Variants in DOK6 observed in about 807,000 individuals in gnomAD.
The protein encoded by DOK6 is downstream of tyrosine kinase 6.
A neutral mutation model predicts 44.0 loss-of-function variants in DOK6; 22 were observed. The observed-to-expected ratio is 0.50, with a 90% CI of 0.36 to 0.71. The LOEUF is 0.71. Ranked by LOEUF, DOK6 falls within the 30% of genes least tolerant of loss-of-function variation. DOK6 has a pLI of 0.00. For synonymous variants in DOK6, 166 were observed against 145.5 expected (o/e 1.14, Z -1.01); for missense variants, 340 against 416.4 (o/e 0.82, Z 1.60).
intron 7 of DOK6, among the ~76,000 whole-genome samples, chr18:69,779,502 T>A (rs1162112450): frequency 6.6e-6 from 1 of 151,824 alleles, no homozygotes; most frequent in Non-Finnish European, 1.5e-5. Context: ...TGGCAAGAAA[T>A]GTCAGTGTTG....
intron 3 of DOK6, among the ~76,000 whole-genome samples, chr18:69,666,445 T>TA (rs1985659746): frequency 6.6e-6 from 1 of 151,880 alleles, no homozygotes; most frequent in Admixed American, 6.6e-5. Context: ...TATTTTTTTT[T>TA]AAATTAGACA....
intron 3 of DOK6, among the ~76,000 whole-genome samples, chr18:69,672,251 A>G (rs1161331783): frequency 1.3e-5 from 2 of 152,228 alleles, no homozygotes; most frequent in Non-Finnish European, 2.9e-5. Context: ...TCAACTCTAC[A>G]AATCTGACTT....
chr18:69,561,946 T>C (rs760080513), intron 1 of DOK6, among the ~76,000 whole-genome samples: 9 of 152,192 alleles, frequency 5.9e-5, no homozygotes, highest in Non-Finnish European at 1.3e-4. Flanking sequence ...AACTTTGCAA[T>C]TTAAATGAAG....
intron 5 of DOK6, among the ~76,000 whole-genome samples, chr18:69,738,309 A>G (rs1459616133): frequency 6.6e-6 from 1 of 152,218 alleles, no homozygotes; most frequent in Non-Finnish European, 1.5e-5. Flanking sequence ...AATATCCAAT[A>G]TCCAAAATAT....
chr18:69,841,139 G>T (rs1039946918), intron 7 of DOK6, 105 bp from the exon 8 acceptor site: 37 of 1,439,762 alleles, frequency 2.6e-5, no homozygotes, highest in Non-Finnish European at 3.1e-5. Context: ...CTTGTTTATT[G>T]TTCTTAAAAA....
chr18:69,602,823 A>C (rs1983904049), intron 3 of DOK6, among the ~76,000 whole-genome samples: 1 of 152,228 alleles, frequency 6.6e-6, no homozygotes, highest in Admixed American at 6.5e-5. Context: ...ATTATCAAGG[A>C]TATATTAAAA....
chr18:69,449,456 A>C lies in DOK6; in HGVS notation c.66+48146A>C, dbSNP rs528464330. On this transcript the variant is annotated intron_variant, in intron 1 of 7. Coordinates refer to ENST00000382713, the MANE Select transcript of DOK6 (RefSeq NM_152721.6). ...TCTTAATAGCATATGTTATCGAAATACCTTAGCATTTGAAATAAGGAATTT... is the reference window on the plus strand; with the variant it reads ...TCTTAATAGCATATGTTATCGAAATCCCTTAGCATTTGAAATAAGGAATTT... 2.6e-5 allele frequency among the ~76,000 whole-genome samples: 4 copies of C among 152,340 alleles called. No individual in the cohort carries two copies. In the East Asian group the frequency reaches 7.7e-4, roughly 29 times the overall value.
At chr18:69,774,430 A>C (rs1979999562) in intron 7 of DOK6, among the ~76,000 whole-genome samples, 1 of 151,826 alleles carries the variant, frequency 6.6e-6, no homozygotes, top group South Asian at 2.1e-4. Flanking sequence ...TGATGTGTGC[A>C]TCAAAATCTC....
chr18:69,546,662 G>C (rs1342255700), intron 1 of DOK6, among the ~76,000 whole-genome samples: 5 of 151,478 alleles, frequency 3.3e-5, no homozygotes, highest in African/African-American at 1.2e-4. Flanking sequence ...TAAAACAGAG[G>C]CTGCTTTTTT....
chr18:69,786,224 T>G (rs1226501751), intron 7 of DOK6, among the ~76,000 whole-genome samples: 1 of 152,168 alleles, frequency 6.6e-6, no homozygotes, highest in Non-Finnish European at 1.5e-5. Flanking sequence ...GAGGCCTATA[T>G]TCTCAGAAAA....
intron 5 of DOK6, among the ~76,000 whole-genome samples, chr18:69,713,647 G>T (rs575760081): frequency 6.6e-6 from 1 of 152,058 alleles, no homozygotes; most frequent in African/African-American, 2.4e-5. Context: ...TAAGTAAAAC[G>T]GCCTCTAAAA....
intron 1 of DOK6, among the ~76,000 whole-genome samples, chr18:69,524,806 A>G (rs1981784946): frequency 6.6e-6 from 1 of 151,856 alleles, no homozygotes; most frequent in African/African-American, 2.4e-5. Flanking sequence ...TCATTAAACA[A>G]ATTTTTGATT....
At chr18:69,783,570 G>A (rs186142208) in intron 7 of DOK6, among the ~76,000 whole-genome samples, 57 of 152,282 alleles carry the variant, frequency 3.7e-4, no homozygotes, top group Non-Finnish European at 7.4e-5. Flanking sequence ...TGAGTGGCCA[G>A]ATCAACCAAT....
chr18:69,435,812 T>C (rs1044999178), intron 1 of DOK6, among the ~76,000 whole-genome samples: 5 of 152,196 alleles, frequency 3.3e-5, no homozygotes, highest in Admixed American at 2.0e-4. Context: ...TCAGTTATAT[T>C]TCCCCCTCCC....
intron 1 of DOK6, among the ~76,000 whole-genome samples, chr18:69,547,199 C>A (rs181908042): frequency 7.3e-5 from 11 of 151,688 alleles, no homozygotes; most frequent in African/African-American, 2.7e-4. Context: ...CTCCTGTGTT[C>A]AAGCAATTCT....
chr18:69,697,173 T>G (rs1986407644), intron 4 of DOK6, among the ~76,000 whole-genome samples: 1 of 152,194 alleles, frequency 6.6e-6, no homozygotes, highest in African/African-American at 2.4e-5. Context: ...GTAAAATATC[T>G]GCCAGAGAGA....
chr18:69,552,676 T>A (rs1431115651), intron 1 of DOK6, among the ~76,000 whole-genome samples: 1 of 152,256 alleles, frequency 6.6e-6, no homozygotes, highest in Admixed American at 6.5e-5. Flanking sequence ...TATTCAGTTA[T>A]TTTTTATTTT....
chr18:69,518,868 T>C (rs1981609271), intron 1 of DOK6, among the ~76,000 whole-genome samples: 1 of 152,146 alleles, frequency 6.6e-6, no homozygotes, highest in Admixed American at 6.5e-5. Flanking sequence ...TATAATGGAA[T>C]ATATGTTGGC....
intron 1 of DOK6, among the ~76,000 whole-genome samples, chr18:69,496,311 G>A (rs1015437860): frequency 6.6e-6 from 1 of 152,212 alleles, no homozygotes; most frequent in Non-Finnish European, 1.5e-5. Flanking sequence ...GCCATGACGT[G>A]GGCAGCTGCA....
Sources: allele counts gnomAD v4.1 joint callset (sites outside exome capture counted in the v4.1 genomes callset), GRCh38; gene constraint gnomAD v4.1.1; transcripts MANE v1.5; gene names NCBI Gene and HGNC (gene_info 2026-07-23, HGNC 2026-07-21).